The following ADGRE3 variants were observed in gnomAD, a reference collection of about 807,000 sequenced individuals.
ADGRE3 encodes EGF-like module receptor 3.
Under a neutral mutation model 80.1 loss-of-function variants are expected in ADGRE3, and 88 were observed. That is an observed-to-expected ratio of 1.10 (90% CI 0.93 to 1.31). The LOEUF (loss-of-function observed/expected upper bound fraction) is 1.31, where lower values mean the gene tolerates loss of function less well. Among genes scored for constraint, ADGRE3 ranks in the 40% most tolerant of loss-of-function variants. The pLI is 0.00. For missense variants in ADGRE3, 715 were observed against 776.5 expected (o/e 0.92, Z 0.94); for synonymous variants, 281 against 294.8 (o/e 0.95, Z 0.48).
intron 10 of ADGRE3, among the ~76,000 whole-genome samples, chr19:14,639,880 AATATATTGTT>A (rs1330520448): frequency 6.6e-6 from 1 of 152,152 alleles, no homozygotes; most frequent in Non-Finnish European, 1.5e-5. Flanking sequence ...TTCAATATAG[AATATATTGTT>A]ATTGACTATA....
At chr19:14,605,483 G>C in the ADGRE3 span, among the ~76,000 whole-genome samples, 7 of 152,122 alleles carry the variant, frequency 4.6e-5, no homozygotes, top group African/African-American at 1.7e-4. Flanking sequence ...ACAGATCTTT[G>C]ATGTATGTTC....
chr19:14,601,968 A>G, the ADGRE3 span, among the ~76,000 whole-genome samples: 1 of 151,534 alleles, frequency 6.6e-6, no homozygotes, highest in East Asian at 1.9e-4. Flanking sequence ...AATTTTTTGT[A>G]TTTTTAGTAG....
At position 14,647,527 on chromosome 19, in the gene ADGRE3, C is replaced by T. The variant is rs201398129; in HGVS notation, c.698-162G>A. Among the ~76,000 whole-genome samples, 112 of 150,994 alleles carry T rather than the reference C, an allele frequency of 7.4e-4. 1 individual carries two copies. In the East Asian group the frequency reaches 0.02, roughly 27 times the overall value. On this transcript the variant is annotated intron_variant, in intron 7 of 15. Transcript: ENST00000253673. Reference sequence around the variant, plus strand: ...CGCCTCCCGGGTTCAAGTGATTCTCCTGCCTCAGCCTCCCAAGTAGCTGGG... The same window carrying T: ...CGCCTCCCGGGTTCAAGTGATTCTCTTGCCTCAGCCTCCCAAGTAGCTGGG...
At chr19:14,655,811 T>G (rs919576304) in intron 5 of ADGRE3, among the ~76,000 whole-genome samples, 33 of 151,934 alleles carry the variant, frequency 2.2e-4, no homozygotes, top group African/African-American at 7.7e-4. Flanking sequence ...GATAAGTTTG[T>G]TAGAAATAGA....
Position 14,641,618 on chromosome 19 carries a change from T to C in ADGRE3, c.1051-2A>G. On this transcript the variant is annotated splice_acceptor_variant, in intron 9 of 15. Coordinates refer to ENST00000253673, the MANE Select transcript of ADGRE3 (RefSeq NM_032571.5). LOFTEE classifies it high-confidence loss of function. Reference sequence around the variant, plus strand: ...GACAGTCAGCACGGGATCCTCCTCCTGGGACCGAGAAAAAAAGTTCACAGT... The same window carrying C: ...GACAGTCAGCACGGGATCCTCCTCCCGGGACCGAGAAAAAAAGTTCACAGT... 1 of 1,614,022 alleles carries C rather than the reference T, an allele frequency of 6.2e-7. No individual in the cohort carries two copies. Among genetic ancestry groups the C allele is most frequent in the South Asian group, 1.1e-5 (1 of 91,064 alleles).
chr19:14,631,014 C>T (rs1039648971), intron 13 of ADGRE3, among the ~76,000 whole-genome samples: 6 of 151,992 alleles, frequency 3.9e-5, no homozygotes, highest in Non-Finnish European at 7.4e-5. Flanking sequence ...GCTGGGATTA[C>T]AGGCACGTCA....
intron 7 of ADGRE3, among the ~76,000 whole-genome samples, chr19:14,650,642 TCTCTCTCTCTCTCTC>T (rs1568490887): frequency 0.5 from 43,857 of 87,272 alleles, 7,554 homozygotes; most frequent in Middle Eastern, 0.56. Flanking sequence ...TCTCTCTCTC[TCTCTCTCTCTCTCTC>T]TCTCTCTCTC....
At chr19:14,670,587 C>A (rs1382464057) in intron 1 of ADGRE3, among the ~76,000 whole-genome samples, 4 of 152,206 alleles carry the variant, frequency 2.6e-5, no homozygotes, top group Non-Finnish European at 5.9e-5. Flanking sequence ...TTTGCTCTTC[C>A]CCATGCCTTT....
intron 8 of ADGRE3, among the ~76,000 whole-genome samples, chr19:14,644,908 T>C (rs1027985653): frequency 2.0e-5 from 3 of 150,814 alleles, no homozygotes; most frequent in East Asian, 2.0e-4. Context: ...GTATTTTTAG[T>C]AGAGATGGGG....
Position 14,625,586 on chromosome 19 carries a change from T to C in ADGRE3, c.1826A>G (p.Tyr609Cys). The change falls in exon 15 of 16, where the codon TAT becomes TGT. Residue 609 changes from tyrosine to cysteine, a missense_variant. Coordinates refer to ENST00000253673, the MANE Select transcript of ADGRE3 (RefSeq NM_032571.5). ...CLLSQQVQKQ[Y>C]QKWFREIVKS... Reference sequence around the variant, plus strand: ...TACGATCTCTCTAAACCACTTTTGATATTGTTTCTGGACCTGGAACATCAA... The same window carrying C: ...TACGATCTCTCTAAACCACTTTTGACATTGTTTCTGGACCTGGAACATCAA... 6 of 1,611,994 alleles carry C rather than the reference T, an allele frequency of 3.7e-6. No individual in the cohort carries two copies. The highest frequency in any genetic ancestry group is 1.7e-4 in the Middle Eastern group (1 of 6,052).
At chr19:14,617,394 C>CTTTCT (rs2075088451), downstream of ADGRE3, among the ~76,000 whole-genome samples, 2 of 103,622 alleles carry the variant, frequency 1.9e-5, no homozygotes, top group East Asian at 6.7e-4. Flanking sequence ...TTCTTTCTTT[C>CTTTCT]TTTCTTTTCT....
intron 1 of ADGRE3, among the ~76,000 whole-genome samples, chr19:14,672,097 A>T (rs886735465): frequency 3.3e-5 from 5 of 152,262 alleles, no homozygotes; most frequent in African/African-American, 1.2e-4. Flanking sequence ...CGCCTGCCCA[A>T]ATGATGACTA....
Position 14,625,490 on chromosome 19 carries a change from A to T in ADGRE3, c.1920+2T>A. 6.3e-7 allele frequency: 1 copy of T among 1,575,004 alleles called. No homozygotes were observed. The highest frequency in any genetic ancestry group is 8.7e-7 in the Non-Finnish European group (1 of 1,144,664). On this transcript the variant is annotated splice_donor_variant, in intron 15 of 15. Transcript: ENST00000253673. LOFTEE classifies it high-confidence loss of function. The stretch of plus-strand genomic sequence containing the variant: ...TTAGAACAATTCAGATGTTTCACTT[A>T]CCTCACTGGGTTTTGAGTCAGGACC...
intron 11 of ADGRE3, among the ~76,000 whole-genome samples, chr19:14,636,008 T>TTCCTTC (rs1568480868): frequency 7.9e-5 from 6 of 76,108 alleles, no homozygotes; most frequent in African/African-American, 1.7e-4. Flanking sequence ...TCTTTCTCTT[T>TTCCTTC]CTTTCTTCCT....
chr19:14,655,317 C>T, intron 5 of ADGRE3, 152 bp from the exon 6 acceptor site: 1 of 658,706 alleles, frequency 1.5e-6, no homozygotes, highest in Non-Finnish European at 2.5e-6. Flanking sequence ...GCTTTGTGAC[C>T]TTGGGCAAGT....
the ADGRE3 span, among the ~76,000 whole-genome samples, chr19:14,600,689 C>T: frequency 6.6e-6 from 1 of 150,952 alleles, no homozygotes; most frequent in Non-Finnish European, 1.5e-5. Context: ...TCACGCCATT[C>T]TCCTGCCTCA....
intron 1 of ADGRE3, among the ~76,000 whole-genome samples, chr19:14,672,258 G>A (rs1972277567): frequency 6.6e-6 from 1 of 152,206 alleles, no homozygotes; most frequent in Non-Finnish European, 1.5e-5. Flanking sequence ...AAGGTCTTAA[G>A]TTAGGGTTTC....
intron 6 of ADGRE3, among the ~76,000 whole-genome samples, chr19:14,654,014 G>A (rs1039491539): frequency 3.4e-5 from 5 of 149,188 alleles, no homozygotes; most frequent in Admixed American, 2.0e-4. Context: ...GTGCAGTGAT[G>A]TGATCTCGGC....
chr19:14,642,790 G>GT (rs1971288791), intron 9 of ADGRE3, among the ~76,000 whole-genome samples: 1 of 152,126 alleles, frequency 6.6e-6, no homozygotes, highest in Admixed American at 6.6e-5. Flanking sequence ...CATGGTGTAT[G>GT]TATTCCATAT....
Sources: allele counts gnomAD v4.1 joint callset (sites outside exome capture counted in the v4.1 genomes callset), GRCh38; gene constraint gnomAD v4.1.1; transcripts MANE v1.5; gene names NCBI Gene and HGNC (gene_info 2026-07-23, HGNC 2026-07-21).